The following AUH variants were observed in gnomAD, a reference collection of about 807,000 sequenced individuals.
AUH encodes the protein AU RNA binding methylglutaconyl-CoA hydratase.
A neutral mutation model predicts 42.3 loss-of-function variants in AUH; 29 were observed. That is an observed-to-expected ratio of 0.69 (90% confidence interval 0.51 to 0.93). The LOEUF is 0.93. Among genes scored for constraint, AUH ranks in the 40% least tolerant of loss-of-function variants. The probability of loss-of-function intolerance (pLI) is 0.00; values close to 1 mark genes in which losing one functional copy is unlikely to be tolerated. For missense variants in AUH, 452 were observed against 438.1 expected (o/e 1.03, Z -0.28); for synonymous variants, 174 against 166.4 (o/e 1.05, Z -0.35).
intron 6 of AUH, among the ~76,000 whole-genome samples, chr9:91,295,752 G>C (rs1037389159): frequency 2.7e-4 from 41 of 152,198 alleles, no homozygotes; most frequent in African/African-American, 9.7e-4. Context: ...ATGCTTAACA[G>C]ACTGCAGATA....
intron 4 of AUH, among the ~76,000 whole-genome samples, chr9:91,317,047 C>T (rs1301573037): frequency 1.3e-5 from 2 of 152,184 alleles, no homozygotes; most frequent in Non-Finnish European, 2.9e-5. Context: ...TATCAACTTC[C>T]CCACTTGGGT....
rs1832902012 is a variant in AUH, at chr9:91,361,890, G to A, written c.-1C>T. ...GTGCCGCCGCCACCGCGGCCGCCAT[G>A]TTGTCTGTTTACGGCGTGGACCTGC... On this transcript the variant is annotated 5_prime_UTR_variant, in exon 1 of 10. Transcript: ENST00000375731. 2 of 1,463,632 alleles carry A rather than the reference G, an allele frequency of 1.4e-6. No individual in the cohort carries two copies. Among genetic ancestry groups the A allele is most frequent in the Non-Finnish European group, 1.8e-6 (2 of 1,114,018 alleles). The allele number at this position is 1,463,632 out of a possible 1,614,324, so 90.7% of individuals were successfully genotyped here. A position where few individuals can be genotyped will look rare whatever the true frequency, so the allele number is the denominator to read the frequency against.
intron 6 of AUH, among the ~76,000 whole-genome samples, chr9:91,270,968 G>T (rs1825076510): frequency 6.6e-6 from 1 of 152,098 alleles, no homozygotes; most frequent in South Asian, 2.1e-4. Flanking sequence ...AAATACTAAT[G>T]CATGAATTGA....
intron 3 of AUH, chr9:91,343,297 G>C (rs948895723): frequency 2.0e-5 from 3 of 151,924 alleles, no homozygotes; most frequent in African/African-American, 7.3e-5. Context: ...CTAGAAATAA[G>C]AGTAAATTAA....
At chr9:91,271,165 A>C (rs2131508402) in intron 6 of AUH, among the ~76,000 whole-genome samples, 1 of 152,388 alleles carries the variant, frequency 6.6e-6, no homozygotes, top group South Asian at 2.1e-4. Context: ...CTAAAAGGAC[A>C]TTTGTTTGTT....
At chr9:91,334,036 C>T (rs752437473) in intron 3 of AUH, among the ~76,000 whole-genome samples, 4 of 152,070 alleles carry the variant, frequency 2.6e-5, no homozygotes, top group Non-Finnish European at 5.9e-5. Context: ...TTAGACAGAC[C>T]CTTTATGTAT....
intron 6 of AUH, among the ~76,000 whole-genome samples, chr9:91,229,945 T>C (rs1342340462): frequency 6.6e-6 from 1 of 152,198 alleles, no homozygotes; most frequent in African/African-American, 2.4e-5. Context: ...CTGATGGGCT[T>C]CCCTTTGAGG....
intron 4 of AUH, among the ~76,000 whole-genome samples, chr9:91,325,016 G>A (rs1454786128): frequency 2.6e-5 from 4 of 152,002 alleles, no homozygotes; most frequent in East Asian, 1.9e-4. Flanking sequence ...AATCCCAAAC[G>A]TATGTTTGCA....
intron 6 of AUH, among the ~76,000 whole-genome samples, chr9:91,239,928 G>A (rs1241947631): frequency 6.6e-6 from 1 of 152,040 alleles, no homozygotes; most frequent in African/African-American, 2.4e-5. Context: ...CAGCAAAAAC[G>A]TTTTTCCAGA....
chr9:91,292,933 A>G (rs1827027938), intron 6 of AUH, among the ~76,000 whole-genome samples: 2 of 152,132 alleles, frequency 1.3e-5, no homozygotes, highest in African/African-American at 4.8e-5. Context: ...TCTCTGTGCC[A>G]TATTTTGGTA....
chr9:91,243,745 CT>C (rs147434390), intron 6 of AUH, among the ~76,000 whole-genome samples: 75 of 150,134 alleles, frequency 5.0e-4, no homozygotes, highest in African/African-American at 1.4e-3. Context: ...GAGCAGCCCA[CT>C]TTTTTTTTTC....
At chr9:91,347,088 G>A (rs1427190527) in intron 3 of AUH, among the ~76,000 whole-genome samples, 2 of 152,044 alleles carry the variant, frequency 1.3e-5, no homozygotes, top group East Asian at 3.9e-4. Flanking sequence ...CCACGCTGGA[G>A]CACAGTGGCA....
intron 3 of AUH, among the ~76,000 whole-genome samples, chr9:91,355,321 C>T (rs1832322286): frequency 6.6e-6 from 1 of 152,172 alleles, no homozygotes. Context: ...CTTTGGAAGG[C>T]CAAAGATGGT....
chr9:91,340,860 T>C (rs1406646514), intron 3 of AUH, among the ~76,000 whole-genome samples: 11 of 152,154 alleles, frequency 7.2e-5, no homozygotes, highest in Non-Finnish European at 1.6e-4. Flanking sequence ...CACCCAGCTT[T>C]TACATCTTTT....
At chr9:91,242,116 C>T in intron 6 of AUH, among the ~76,000 whole-genome samples, 1 of 152,244 alleles carries the variant, frequency 6.6e-6, no homozygotes, top group South Asian at 2.1e-4. Context: ...CATTGCAGGG[C>T]TGCCTCTTGA....
chr9:91,320,798 T>G (rs1409419891), intron 4 of AUH, among the ~76,000 whole-genome samples: 1 of 152,240 alleles, frequency 6.6e-6, no homozygotes, highest in Non-Finnish European at 1.5e-5. Context: ...AAACATTTCT[T>G]GTGTTCATGA....
At chr9:91,220,189 T>C (rs915603653) in intron 7 of AUH, among the ~76,000 whole-genome samples, 1 of 152,202 alleles carries the variant, frequency 6.6e-6, no homozygotes, top group African/African-American at 2.4e-5. Context: ...GCCACTGATA[T>C]CACTCCTGAG....
intron 3 of AUH, among the ~76,000 whole-genome samples, chr9:91,326,075 C>G (rs1261541020): frequency 6.6e-6 from 1 of 152,134 alleles, no homozygotes; most frequent in Non-Finnish European, 1.5e-5. Context: ...GGATAATTAA[C>G]TCTGAGAACA....
At chr9:91,324,530 A>C (rs1452003421) in intron 4 of AUH, among the ~76,000 whole-genome samples, 1 of 149,788 alleles carries the variant, frequency 6.7e-6, no homozygotes, top group Non-Finnish European at 1.5e-5. Context: ...TAAAAAAAAA[A>C]AAAAACTAAA....
Sources: allele counts gnomAD v4.1 joint callset (sites outside exome capture counted in the v4.1 genomes callset), GRCh38; gene constraint gnomAD v4.1.1; transcripts MANE v1.5; gene names NCBI Gene and HGNC (gene_info 2026-07-23, HGNC 2026-07-21).